The following ASIC2 variants were observed in gnomAD, a reference collection of about 807,000 sequenced individuals.
The protein encoded by ASIC2 is acid-sensing ion channel 2.
Under a neutral mutation model 57.3 loss-of-function variants are expected in ASIC2, and 25 were observed. That is an observed-to-expected ratio of 0.44 (90% confidence interval 0.32 to 0.61). ASIC2 has a LOEUF of 0.61. Ranked by LOEUF, ASIC2 falls within the 20% of genes least tolerant of loss-of-function variation. The pLI is 0.06. For missense variants in ASIC2, 641 were observed against 738.1 expected, an observed-to-expected ratio of 0.87 and a Z score of 1.52; for synonymous variants, 319 against 307.5, an observed-to-expected ratio of 1.04 and a Z score of -0.39.
intron 1 of ASIC2, among the ~76,000 whole-genome samples, chr17:33,722,086 G>A (rs1385074341): frequency 3.3e-5 from 5 of 152,182 alleles, no homozygotes; most frequent in Non-Finnish European, 7.3e-5. Context: ...ATCTCACCTC[G>A]CATTGTAATA....
chr17:33,261,869 C>T (rs1258024393), intron 1 of ASIC2, among the ~76,000 whole-genome samples: 2 of 152,148 alleles, frequency 1.3e-5, no homozygotes, highest in African/African-American at 4.8e-5. Flanking sequence ...GTCTCCTATC[C>T]CAGAGGAGGC....
At chr17:33,625,125 CTCTGTCTA>C (rs1213159786) in intron 1 of ASIC2, among the ~76,000 whole-genome samples, 2 of 144,362 alleles carry the variant, frequency 1.4e-5, no homozygotes, top group South Asian at 2.2e-4. Context: ...AATGTGGCCT[CTCTGTCTA>C]TCTATCTATC....
chr17:33,360,547 T>C (rs1908558471), intron 1 of ASIC2, among the ~76,000 whole-genome samples: 1 of 152,252 alleles, frequency 6.6e-6, no homozygotes, highest in African/African-American at 2.4e-5. Flanking sequence ...CTAAGCTCTT[T>C]CTTTGTGTAT....
chr17:33,390,869 A>C (rs1288816667), intron 1 of ASIC2, among the ~76,000 whole-genome samples: 1 of 152,186 alleles, frequency 6.6e-6, no homozygotes, highest in Non-Finnish European at 1.5e-5. Context: ...TATTTTCTTC[A>C]TTAGAAGCAT....
intron 1 of ASIC2, among the ~76,000 whole-genome samples, chr17:33,862,374 T>C (rs1383599063): frequency 6.6e-6 from 1 of 152,190 alleles, no homozygotes; most frequent in Non-Finnish European, 1.5e-5. Flanking sequence ...TCATATTTGC[T>C]TGGAATTTAT....
intron 1 of ASIC2, among the ~76,000 whole-genome samples, chr17:33,458,173 G>T (rs1364198132): frequency 6.6e-6 from 1 of 152,130 alleles, no homozygotes; most frequent in African/African-American, 2.4e-5. Context: ...ATAGAAAGAA[G>T]CCTCGAATCT....
At chr17:33,188,149 G>C (rs577180084) in intron 1 of ASIC2, among the ~76,000 whole-genome samples, 2 of 152,096 alleles carry the variant, frequency 1.3e-5, no homozygotes, top group African/African-American at 4.8e-5. Context: ...CCAAAGAAAA[G>C]TTTTAGAGAT....
chr17:33,531,427 T>A (rs1305945767), intron 1 of ASIC2, among the ~76,000 whole-genome samples: 1 of 152,176 alleles, frequency 6.6e-6, no homozygotes, highest in Non-Finnish European at 1.5e-5. Flanking sequence ...CACGTGGGCC[T>A]CAATCCTCTC....
chr17:34,012,965 C>G lies in ASIC2; in HGVS notation c.555+143013G>C, dbSNP rs567294518. Among the ~76,000 whole-genome samples, 125 of 152,270 alleles carry G rather than the reference C, an allele frequency of 8.2e-4. 1 individual carries two copies. The highest frequency in any genetic ancestry group is 2.7e-3 in the African/African-American group (113 of 41,558). On this transcript the variant is annotated intron_variant, in intron 1 of 9. Coordinates refer to the ASIC2 transcript ENST00000359872. ...AGGGCAATGTCCCCCACTTCCCCAC[C>G]TGGCTCTGGAGGAGGCAGCCCCCCT... is the stretch of plus-strand genomic sequence containing the variant.
intron 1 of ASIC2, among the ~76,000 whole-genome samples, chr17:33,961,648 T>C (rs369433410): frequency 7.9e-5 from 12 of 152,196 alleles, no homozygotes; most frequent in East Asian, 7.7e-4. Flanking sequence ...TTTGCATAAT[T>C]GCCTTCTCAG....
intron 1 of ASIC2, chr17:34,001,809 C>A (rs1326088000): frequency 6.6e-6 from 1 of 152,244 alleles, no homozygotes; most frequent in Non-Finnish European, 1.5e-5. Flanking sequence ...CACTTGGGTG[C>A]TGTACTCTCT....
chr17:33,129,651 C>T (rs2092337468), intron 1 of ASIC2, among the ~76,000 whole-genome samples: 2 of 152,084 alleles, frequency 1.3e-5, no homozygotes, highest in Admixed American at 1.3e-4. Flanking sequence ...CTTAGGCATG[C>T]CCTGAGGATG....
At chr17:33,714,186 C>T (rs1909138941) in intron 1 of ASIC2, among the ~76,000 whole-genome samples, 1 of 152,142 alleles carries the variant, frequency 6.6e-6, no homozygotes, top group Non-Finnish European at 1.5e-5. Context: ...AAAATGAACA[C>T]CCTCACTAAA....
At chr17:33,096,645 C>T (rs953253656) in intron 2 of ASIC2, among the ~76,000 whole-genome samples, 2 of 152,108 alleles carry the variant, frequency 1.3e-5, no homozygotes, top group Non-Finnish European at 2.9e-5. Context: ...AACAGGTACA[C>T]GTGTAACATC....
chr17:33,919,605 G>A (rs758592710), intron 1 of ASIC2, among the ~76,000 whole-genome samples: 4 of 152,154 alleles, frequency 2.6e-5, no homozygotes, highest in Non-Finnish European at 5.9e-5. Flanking sequence ...TCTGGAAATT[G>A]CCTTTGGCAA....
chr17:34,007,097 C>A (rs1411205821), intron 1 of ASIC2, among the ~76,000 whole-genome samples: 2 of 152,176 alleles, frequency 1.3e-5, no homozygotes, highest in African/African-American at 4.8e-5. Context: ...ATAATCAAAG[C>A]AAATGGCATC....
Position 33,025,999 on chromosome 17 carries a change from CCAGA to C in ASIC2, c.1139-21_1139-18del. On this transcript the variant is annotated intron_variant, in intron 4 of 9. Coordinates refer to ENST00000225823, the MANE Select transcript of ASIC2 (RefSeq NM_183377.2). ...GGGCATCCCCTGCAAAGAAGAAACA[CCAGA>C]CAGAGTTACTCAGGCAGGAACATTC... 7 of 1,613,110 alleles carry C rather than the reference CCAGA, an allele frequency of 4.3e-6. No homozygotes were observed. Among genetic ancestry groups the C allele is most frequent in the Non-Finnish European group, 5.9e-6 (7 of 1,179,478 alleles).
At chr17:33,359,505 A>G (rs1460979575) in intron 1 of ASIC2, among the ~76,000 whole-genome samples, 1 of 152,188 alleles carries the variant, frequency 6.6e-6, no homozygotes, top group African/African-American at 2.4e-5. Context: ...AGCAGCTAAA[A>G]GTCAATAGCA....
intron 1 of ASIC2, among the ~76,000 whole-genome samples, chr17:33,497,672 G>T (rs1913978864): frequency 6.6e-6 from 1 of 152,126 alleles, no homozygotes; most frequent in Admixed American, 6.5e-5. Context: ...AGGTGCCATT[G>T]TGCTGGCCTA....
Sources: allele counts gnomAD v4.1 joint callset (sites outside exome capture counted in the v4.1 genomes callset), GRCh38; gene constraint gnomAD v4.1.1; transcripts MANE v1.5; gene names NCBI Gene and HGNC (gene_info 2026-07-23, HGNC 2026-07-21).